PELI2: variants seen among roughly 807,000 people sequenced by gnomAD.
PELI2 encodes the protein pellino E3 ubiquitin protein ligase family member 2.
A neutral mutation model predicts 42.3 loss-of-function variants in PELI2; 23 were observed. The ratio of observed to expected loss-of-function variants is 0.54; its 90% CI spans 0.39 to 0.77. The LOEUF is 0.77. Among genes scored for constraint, PELI2 ranks in the 30% least tolerant of loss-of-function variants. The pLI is 0.00. For missense variants in PELI2, 463 were observed against 553.2 expected (o/e 0.84, Z 1.64); for synonymous variants, 245 against 212.2 (o/e 1.15, Z -1.34).
chr14:56,243,020 A>G (rs892965191), intron 2 of PELI2, among the ~76,000 whole-genome samples: 2 of 152,198 alleles, frequency 1.3e-5, no homozygotes, highest in East Asian at 1.9e-4. Context: ...ATGTATTTCT[A>G]ACTTCCTTTT....
At chr14:56,277,817 T>C (rs1248646312) in intron 2 of PELI2, among the ~76,000 whole-genome samples, 3 of 152,226 alleles carry the variant, frequency 2.0e-5, no homozygotes, top group African/African-American at 7.2e-5. Flanking sequence ...GTAAGCTGTT[T>C]TAAGCATGAG....
chr14:56,130,912 T>A (rs1883460415), intron 1 of PELI2, among the ~76,000 whole-genome samples: 1 of 152,232 alleles, frequency 6.6e-6, no homozygotes, highest in South Asian at 2.1e-4. Flanking sequence ...TTCTTCTTGC[T>A]TTTGTTGCTG....
chr14:56,154,217 A>G (rs1220871854), intron 1 of PELI2, among the ~76,000 whole-genome samples: 2 of 152,222 alleles, frequency 1.3e-5, no homozygotes, highest in East Asian at 1.9e-4. Flanking sequence ...TTTGGTTTAC[A>G]TAATTTTTTC....
At chr14:56,216,388 G>C (rs966273924) in intron 2 of PELI2, among the ~76,000 whole-genome samples, 3 of 152,232 alleles carry the variant, frequency 2.0e-5, no homozygotes, top group African/African-American at 7.2e-5. Flanking sequence ...TATTATTAAA[G>C]TATATTAAAC....
At chr14:56,235,805 C>T (rs1887773041) in intron 2 of PELI2, among the ~76,000 whole-genome samples, 1 of 152,206 alleles carries the variant, frequency 6.6e-6, no homozygotes. Context: ...TCTTGTTGCT[C>T]ATCCCTGTTA....
chr14:56,210,135 GC>G (rs1345805549), intron 2 of PELI2, among the ~76,000 whole-genome samples: 1 of 151,950 alleles, frequency 6.6e-6, no homozygotes, highest in African/African-American at 2.4e-5. Flanking sequence ...GTTCTTAGAA[GC>G]ATGCCAAAGT....
rs188286763 is a variant in PELI2 at position 56,296,466 on chromosome 14, G to A, written c.697-134G>A. The A allele has an allele frequency of 2.5e-3, 1,566 of 622,564 alleles. 5 individuals carry two copies. The highest frequency in any genetic ancestry group is 2.6e-3 in the Non-Finnish European group (928 of 355,944). 38.6% of individuals were successfully genotyped at this position (622,564 alleles called of 1,614,324 possible). Reference sequence around the variant, plus strand: ...TCGGGGAGGATAGGTTACTCCCCCAGTTCTGTTTTTGTGGGATAAATTGCT... The same window carrying A: ...TCGGGGAGGATAGGTTACTCCCCCAATTCTGTTTTTGTGGGATAAATTGCT... On this transcript the variant is annotated intron_variant, in intron 5 of 5. Transcript: ENST00000267460.
intron 2 of PELI2, among the ~76,000 whole-genome samples, chr14:56,181,340 C>CT (rs57251739): frequency 0.023 from 2,229 of 97,002 alleles, 55 homozygotes; most frequent in African/African-American, 0.059. Flanking sequence ...CCCTGGTGGA[C>CT]TTTTTTTTTT....
chr14:56,221,915 C>G (rs1456061964), intron 2 of PELI2, among the ~76,000 whole-genome samples: 3 of 152,166 alleles, frequency 2.0e-5, no homozygotes, highest in African/African-American at 4.8e-5. Flanking sequence ...GTGACAGCCA[C>G]GAGAGGAACT....
chr14:56,195,531 A>G (rs1423288214), intron 2 of PELI2, among the ~76,000 whole-genome samples: 4 of 152,234 alleles, frequency 2.6e-5, no homozygotes, highest in Admixed American at 2.6e-4. Flanking sequence ...GCCGTAAAAC[A>G]GAATTGCTGT....
At chr14:56,153,444 G>C (rs79429279) in intron 1 of PELI2, among the ~76,000 whole-genome samples, 1 of 151,974 alleles carries the variant, frequency 6.6e-6, no homozygotes, top group African/African-American at 2.4e-5. Context: ...GAGAGAAAAG[G>C]GTTTGACATT....
At chr14:56,229,905 A>G (rs905167157) in intron 2 of PELI2, among the ~76,000 whole-genome samples, 3 of 152,328 alleles carry the variant, frequency 2.0e-5, no homozygotes, top group Admixed American at 6.5e-5. Context: ...AAGACCTTAA[A>G]TGACTTGATG....
At chr14:56,176,929 T>A (rs1416382926) in intron 1 of PELI2, among the ~76,000 whole-genome samples, 1 of 152,218 alleles carries the variant, frequency 6.6e-6, no homozygotes, top group Non-Finnish European at 1.5e-5. Flanking sequence ...GACATGGAAA[T>A]ATATTAAAAC....
In PELI2 at chr14:56,297,101, T is replaced by A; in HGVS notation, c.1198T>A (p.Cys400Ser). 1 of 1,608,634 alleles carries A rather than the reference T, an allele frequency of 6.2e-7. No individual in the cohort carries two copies. Among genetic ancestry groups the A allele is most frequent in the Non-Finnish European group, 8.5e-7 (1 of 1,179,970 alleles). Reference protein sequence around the residue: ...THAFHAACPFCATQLVGEQNC... With the variant: ...THAFHAACPFSATQLVGEQNC... ...TGCATTTCACGCTGCTTGCCCTTTC[T>A]GTGCTACACAGCTGGTTGGGGAGCA... Residue 400 changes from cysteine (C) to serine (S), a missense_variant, in exon 6 of 6, where the codon TGT (cysteine) becomes AGT (serine). Physicochemically the swap from Cys to Ser is moderately radical, Grantham distance 112 (BLOSUM62 -1). This residue lies in a region of PELI2 where 103 missense variants were observed against 129.6 expected (regional missense o/e 0.80). Transcript: ENST00000267460.
chr14:56,288,145 G>A lies in PELI2; in HGVS notation c.310-292G>A, dbSNP rs958553336. 2.0e-5 allele frequency among the ~76,000 whole-genome samples: 3 copies of A among 152,326 alleles called. 1 individual carries two copies. Among genetic ancestry groups the A allele is most frequent in the Non-Finnish European group, 2.9e-5 (2 of 68,032 alleles). ...AGAGTTGCTGTGCACCGTTCTGCCT[G>A]TAGTCAACAATGACTGCATTATGTG... On this transcript the variant is annotated intron_variant, in intron 3 of 5. Coordinates refer to ENST00000267460, the MANE Select transcript of PELI2 (RefSeq NM_021255.3). This position sits in a 1 kb window ranked among gnomAD's most constrained non-coding sequence, Gnocchi z 4.6.
At chr14:56,145,907 C>G (rs1408799542) in intron 1 of PELI2, among the ~76,000 whole-genome samples, 1 of 152,130 alleles carries the variant, frequency 6.6e-6, no homozygotes, top group Non-Finnish European at 1.5e-5. Context: ...ATGTAGAAAC[C>G]TGTAACTAGG....
At chr14:56,124,337 A>G (rs1297551964) in intron 1 of PELI2, among the ~76,000 whole-genome samples, 3 of 152,086 alleles carry the variant, frequency 2.0e-5, no homozygotes. Flanking sequence ...GTCATTTTTC[A>G]CCCTTTTGCA....
chr14:56,220,368 G>A (rs546172573), intron 2 of PELI2, among the ~76,000 whole-genome samples: 67 of 152,270 alleles, frequency 4.4e-4, no homozygotes, highest in African/African-American at 1.6e-3. Context: ...AAAAATAAGG[G>A]AAAGGAAAAT....
intron 2 of PELI2, among the ~76,000 whole-genome samples, chr14:56,204,585 A>C (rs971252540): frequency 6.6e-6 from 1 of 152,126 alleles, no homozygotes; most frequent in Non-Finnish European, 1.5e-5. Flanking sequence ...AAGGCTTAAA[A>C]TGTATGGGTG....
Sources: gnomAD v4.1 joint callset for allele counts (sites outside exome capture counted in the v4.1 genomes callset) on GRCh38, gnomAD v4.1.1 for gene constraint, gnomAD v4.1.1 regional missense constraint, Gnocchi (gnomAD v3.1) non-coding constraint, MANE v1.5 for transcripts, NCBI Gene and HGNC (gene_info 2026-07-23, HGNC 2026-07-21) for gene names.